TSPAN4: variants seen among roughly 807,000 people sequenced by gnomAD.
TSPAN4 encodes tetraspanin 4.
Under a neutral mutation model 31.5 loss-of-function variants are expected in TSPAN4, and 38 were observed. That is an observed-to-expected ratio of 1.21 (90% CI 0.93 to 1.58). The LOEUF is 1.58. TSPAN4 is among the 40% of genes most tolerant of loss of function. The pLI is 0.00. For missense variants in TSPAN4, 330 were observed against 317.3 expected, an observed-to-expected ratio of 1.04 and a Z score of -0.30; for synonymous variants, 186 against 144.6, an observed-to-expected ratio of 1.29 and a Z score of -2.06.
chr11:849,967 T>G, intron 2 of TSPAN4: 1 of 155,372 alleles, frequency 6.4e-6, no homozygotes, highest in Non-Finnish European at 1.4e-5. Flanking sequence ...GCCGGCGGGA[T>G]GGGGCGTTCC....
chr11:862,499 C>G (rs754190787), intron 3 of TSPAN4, 51 bp from the exon 4 acceptor site: 1 of 1,506,490 alleles, frequency 6.6e-7, no homozygotes, highest in Non-Finnish European at 8.9e-7. Flanking sequence ...GGGTCCAGAG[C>G]TTGCATTGGG....
In TSPAN4 at chr11:847,226, CA is replaced by C. The variant is rs1847370250; in HGVS notation, c.-91del. The C allele has an allele frequency of 6.6e-6, 1 of 152,292 alleles. No individual in the cohort carries two copies. The highest frequency in any genetic ancestry group is 6.5e-5 in the Admixed American group (1 of 15,282). 9.4% of individuals were successfully genotyped at this position (152,292 alleles called of 1,614,324 possible). The stretch of plus-strand genomic sequence containing the variant: ...AGCTTGGGGCTTCCTTGGTCGCACC[CA>C]CCACCTGCCTGCCCACTGGTCAGCC... On this transcript the variant is annotated 5_prime_UTR_variant, in exon 2 of 9. Transcript: ENST00000397397.
At chr11:850,607 G>GCCCCC (rs1040521282) in intron 3 of TSPAN4, among the ~76,000 whole-genome samples, 1,867 of 150,036 alleles carry the variant, frequency 0.012, 33 homozygotes, top group African/African-American at 0.043. Context: ...CCACGCCCTG[G>GCCCCC]TCCCCTCTCC....
chr11:862,940 G>A, intron 4 of TSPAN4, 199 bp downstream of exon 4: 3 of 604,602 alleles, frequency 5.0e-6, no homozygotes, highest in South Asian at 2.1e-5. Flanking sequence ...GGGGTGATTT[G>A]CAGAGCGGTG....
In TSPAN4 at chr11:865,758, C is replaced by CTG; in HGVS notation, c.498_499dup (p.Asp167ValfsTer29). 6.2e-7 allele frequency: 1 copy of CTG among 1,613,056 alleles called. No individual in the cohort carries two copies. ...GAGGTGTACAACGCCACGCGGGTACCTGACTCCTGCTGCTTGGAGTTCAGT... is the reference window on the plus strand; with the variant it reads ...GAGGTGTACAACGCCACGCGGGTACCTGTGACTCCTGCTGCTTGGAGTTCAGT... On this transcript the variant is annotated frameshift_variant, in exon 7 of 9. Transcript: ENST00000397397. LOFTEE classifies it high-confidence loss of function.
At chr11:864,362 C>T in intron 4 of TSPAN4, 75 bp from the exon 5 acceptor site, 4 of 1,578,114 alleles carry the variant, frequency 2.5e-6, no homozygotes, top group Non-Finnish European at 3.5e-6. Flanking sequence ...GGTACGTGGC[C>T]CTGGCCCCTG....
intron 3 of TSPAN4, among the ~76,000 whole-genome samples, chr11:852,354 C>T (rs1371895337): frequency 1.3e-5 from 2 of 152,094 alleles, no homozygotes; most frequent in Non-Finnish European, 1.5e-5. Flanking sequence ...GAACTCCTGA[C>T]CTCGTGATCC....
chr11:866,566 T>G lies in TSPAN4; in HGVS notation c.653T>G (p.Leu218Arg), dbSNP rs757544088. ...FGLCTALVQI[L>R]GLTFAMTMYC... ...GTCCTCCTCCCCTACCTACAGATCC[T>G]GGGCCTGACCTTCGCCATGACCATG... The change falls in exon 9 of 9, where the codon CTG becomes CGG. Residue 218 changes from leucine to arginine, a missense_variant. Transcript: ENST00000397397. The G allele has an allele frequency of 6.2e-7, 1 of 1,613,338 alleles. No individual in the cohort carries two copies. Among genetic ancestry groups the G allele is most frequent in the South Asian group, 1.1e-5 (1 of 91,062 alleles).
At chr11:860,763 C>G (rs1469883014) in intron 3 of TSPAN4, among the ~76,000 whole-genome samples, 3 of 152,300 alleles carry the variant, frequency 2.0e-5, no homozygotes, top group East Asian at 3.9e-4. Flanking sequence ...TGAGCCTGTC[C>G]TCAGGCATGT....
At position 866,673 on chromosome 11, in the gene TSPAN4, G is replaced by T. The variant is rs1848871788; in HGVS notation, c.*43G>T. 9 of 1,576,116 alleles carry T rather than the reference G, an allele frequency of 5.7e-6. No individual in the cohort carries two copies. Among genetic ancestry groups the T allele is most frequent in the Non-Finnish European group, 7.8e-6 (9 of 1,156,910 alleles). ...TCTCTGCCAAAAGGACGCCCACGGG[G>T]AGATGGCCGCACCCACAGCTGCCTT... On this transcript the variant is annotated 3_prime_UTR_variant, in exon 9 of 9. Coordinates refer to ENST00000397397, the MANE Select transcript of TSPAN4 (RefSeq NM_003271.5).
At chr11:854,474 G>C (rs1441997010) in intron 3 of TSPAN4, among the ~76,000 whole-genome samples, 1 of 142,518 alleles carries the variant, frequency 7.0e-6, no homozygotes, top group African/African-American at 2.5e-5. Context: ...GGAAATGTGG[G>C]AGGCCTCTCA....
At chr11:865,288 T>A in intron 5 of TSPAN4, 1 of 571,546 alleles carries the variant, frequency 1.7e-6, no homozygotes. Flanking sequence ...CCAGGACCCA[T>A]GGTCCTCCCC....
intron 3 of TSPAN4, among the ~76,000 whole-genome samples, chr11:850,610 C>CTCTCCTCTCCTCT (rs1565132089): frequency 3.9e-5 from 6 of 152,030 alleles, no homozygotes; most frequent in African/African-American, 7.3e-5. Context: ...CGCCCTGGTC[C>CTCTCCTCTCCTCT]CCTCTCCTCT....
At chr11:863,574 G>A (rs542630062) in intron 4 of TSPAN4, 1 of 152,446 alleles carries the variant, frequency 6.6e-6, no homozygotes, top group East Asian at 1.9e-4. Context: ...CCCTACTGGG[G>A]CTTGGAGCTC....
rs530031505 is a variant in TSPAN4, at chr11:861,636, C to G, written c.64-914C>G. ...CTGAGGCAGGAGAATGGCGTGAACC[C>G]GGGAGGCGGAGGTTGCAGTGAGCCG... On this transcript the variant is annotated intron_variant, in intron 3 of 8. Coordinates refer to ENST00000397397, the MANE Select transcript of TSPAN4 (RefSeq NM_003271.5). Among the ~76,000 whole-genome samples, 121 of 151,808 alleles carry G rather than the reference C, an allele frequency of 8.0e-4. No individual in the cohort carries two copies. The Middle Eastern group carries it at 0.014, about 17-fold the overall frequency.
chr11:853,831 G>T (rs1434153701), intron 3 of TSPAN4, among the ~76,000 whole-genome samples: 1 of 152,258 alleles, frequency 6.6e-6, no homozygotes, highest in African/African-American at 2.4e-5. Context: ...AGGTTGGGGA[G>T]TGGGAAGCAG....
chr11:865,503 G>A lies in TSPAN4; in HGVS notation c.331-10G>A, dbSNP rs28581489. Reference sequence around the variant, plus strand: ...GGGAGGGGCCCTGCTGACCCCCCCCGCACCCCCAGATTGACAGGTATGCCC... The same window carrying A: ...GGGAGGGGCCCTGCTGACCCCCCCCACACCCCCAGATTGACAGGTATGCCC... On this transcript the variant is annotated splice_polypyrimidine_tract_variant and intron_variant, in intron 5 of 8. Coordinates refer to ENST00000397397, the MANE Select transcript of TSPAN4 (RefSeq NM_003271.5). 1,601,617 of 1,608,472 alleles carry A rather than the reference G, an allele frequency of 1. 797,643 individuals carry two copies. Among genetic ancestry groups the A allele is most frequent in the East Asian group, 1 (44,794 of 44,794 alleles).
At chr11:854,291 C>T (rs577880461) in intron 3 of TSPAN4, among the ~76,000 whole-genome samples, 29 of 152,284 alleles carry the variant, frequency 1.9e-4, no homozygotes, top group Admixed American at 9.2e-4. Context: ...CGGCCGTCTC[C>T]GCACTGTATG....
chr11:850,218 C>G, intron 2 of TSPAN4, 70 bp from the exon 3 acceptor site: 2 of 1,322,512 alleles, frequency 1.5e-6, no homozygotes, highest in East Asian at 5.2e-5. Context: ...GGCCCAGGCG[C>G]GCTACACGTC....
Sources: allele counts gnomAD v4.1 joint callset (sites outside exome capture counted in the v4.1 genomes callset), GRCh38; gene constraint gnomAD v4.1.1; transcripts MANE v1.5; gene names NCBI Gene and HGNC (gene_info 2026-07-23, HGNC 2026-07-21).